DPYD: variants seen among roughly 807,000 people sequenced by gnomAD.
DPYD encodes dihydropyrimidine dehydrogenase [NADP(+)].
Under a neutral mutation model 116.2 loss-of-function variants are expected in DPYD, and 109 were observed. The ratio of observed to expected loss-of-function variants is 0.94; its 90% CI spans 0.80 to 1.10. DPYD has a LOEUF of 1.10. Among genes scored for constraint, DPYD ranks in the 50% least tolerant of loss-of-function variants. The pLI is 0.00. For missense variants in DPYD, 1,302 were observed against 1,254.5 expected (o/e 1.04, Z -0.57); for synonymous variants, 440 against 432.0 (o/e 1.02, Z -0.23).
chr1:97,850,019 A>G lies in DPYD; in HGVS notation c.151-21823T>C, dbSNP rs142783994. Among the ~76,000 whole-genome samples the G allele has an allele frequency of 1.5e-3, 222 of 152,310 alleles. 1 individual carries two copies. The highest frequency in any genetic ancestry group is 5.1e-3 in the African/African-American group (213 of 41,566). On this transcript the variant is annotated intron_variant, in intron 2 of 22. Transcript: ENST00000370192. ...TATAGACCATTATGGCATGCTAATA[A>G]TCCAAATTAGATAAACAAACACAAG...
At chr1:97,751,381 C>CAT (rs201556673) in intron 3 of DPYD, among the ~76,000 whole-genome samples, 2,549 of 119,782 alleles carry the variant, frequency 0.021, 32 homozygotes, top group Middle Eastern at 0.034. Flanking sequence ...CATATATATA[C>CAT]ATATATGTGT....
intron 8 of DPYD, among the ~76,000 whole-genome samples, chr1:97,640,536 T>C (rs1657828127): frequency 6.6e-6 from 1 of 152,164 alleles, no homozygotes; most frequent in South Asian, 2.1e-4. Context: ...CTCAAACTCC[T>C]GACTTGAGGT....
chr1:97,846,031 A>G (rs898580598), intron 2 of DPYD, among the ~76,000 whole-genome samples: 1 of 152,204 alleles, frequency 6.6e-6, no homozygotes, highest in African/African-American at 2.4e-5. Flanking sequence ...CCACTCTGCA[A>G]CTGGCTTGCC....
chr1:97,384,007 G>C (rs1228948120), intron 14 of DPYD, among the ~76,000 whole-genome samples: 3 of 152,136 alleles, frequency 2.0e-5, no homozygotes, highest in Non-Finnish European at 4.4e-5. Flanking sequence ...CACTCAGGAA[G>C]CTGAGATGGG....
intron 15 of DPYD, 50 bp from the exon 16 acceptor site, chr1:97,373,694 A>G: frequency 6.6e-7 from 1 of 1,506,122 alleles, no homozygotes; most frequent in Non-Finnish European, 9.2e-7. Flanking sequence ...TTATTTATAT[A>G]CCAATAGGCT....
intron 16 of DPYD, among the ~76,000 whole-genome samples, chr1:97,329,796 T>C (rs1668896107): frequency 1.4e-5 from 2 of 143,368 alleles, no homozygotes; most frequent in South Asian, 2.4e-4. Context: ...ACCCCATGCA[T>C]GAATGGCACA....
chr1:97,409,865 G>C (rs1286248614), intron 14 of DPYD, among the ~76,000 whole-genome samples: 1 of 152,110 alleles, frequency 6.6e-6, no homozygotes, highest in Non-Finnish European at 1.5e-5. Context: ...ATCACCTGAA[G>C]TCAGGAGTTT....
intron 2 of DPYD, among the ~76,000 whole-genome samples, chr1:97,833,605 A>C (rs1356419003): frequency 6.6e-6 from 1 of 152,142 alleles, no homozygotes; most frequent in Non-Finnish European, 1.5e-5. Context: ...TCATCGTGAA[A>C]TATACTTACC....
intron 18 of DPYD, among the ~76,000 whole-genome samples, chr1:97,303,538 T>C (rs909364758): frequency 3.4e-4 from 51 of 152,066 alleles, no homozygotes; most frequent in Middle Eastern, 3.2e-3. Flanking sequence ...AGGTACTCTG[T>C]TATAGAACTT....
chr1:97,195,904 C>A (rs1156458249), intron 19 of DPYD, among the ~76,000 whole-genome samples: 1 of 151,052 alleles, frequency 6.6e-6, no homozygotes, highest in Admixed American at 6.6e-5. Flanking sequence ...ATGTAACACT[C>A]GGCAATATAC....
intron 3 of DPYD, among the ~76,000 whole-genome samples, chr1:97,778,013 C>A (rs1474140509): frequency 6.6e-6 from 1 of 151,614 alleles, no homozygotes; most frequent in Admixed American, 6.6e-5. Context: ...CAAAAATTAG[C>A]CAGGCATGGT....
intron 8 of DPYD, among the ~76,000 whole-genome samples, chr1:97,595,478 C>T (rs2102260630): frequency 6.6e-6 from 1 of 151,580 alleles, no homozygotes; most frequent in South Asian, 2.1e-4. Context: ...TATATTCTTG[C>T]CTCATATCAT....
chr1:97,810,075 A>T (rs1668272857), intron 3 of DPYD, among the ~76,000 whole-genome samples: 2 of 151,990 alleles, frequency 1.3e-5, no homozygotes, highest in African/African-American at 4.8e-5. Flanking sequence ...TCACGAGGTC[A>T]GGAGATCAAG....
At chr1:97,357,375 T>A (rs1670478560) in intron 16 of DPYD, among the ~76,000 whole-genome samples, 1 of 152,116 alleles carries the variant, frequency 6.6e-6, no homozygotes, top group South Asian at 2.1e-4. Context: ...AGTGTTTTTT[T>A]TTTTTGGTGG....
At chr1:97,782,222 T>C (rs1369701938) in intron 3 of DPYD, among the ~76,000 whole-genome samples, 1 of 152,214 alleles carries the variant, frequency 6.6e-6, no homozygotes, top group Non-Finnish European at 1.5e-5. Context: ...GGAGGATGCT[T>C]TGTCCATACT....
intron 8 of DPYD, among the ~76,000 whole-genome samples, chr1:97,630,057 T>C (rs1167510540): frequency 6.6e-6 from 1 of 152,010 alleles, no homozygotes; most frequent in African/African-American, 2.4e-5. Context: ...TCCTTTTTAA[T>C]GCTAACTAGT....
At chr1:97,723,132 T>TA (rs1403084395) in intron 4 of DPYD, among the ~76,000 whole-genome samples, 11 of 151,764 alleles carry the variant, frequency 7.2e-5, no homozygotes, top group Non-Finnish European at 1.3e-4. Flanking sequence ...TAAAAGCTAA[T>TA]GCACGGCTTT....
At position 97,786,429 on chromosome 1, in the gene DPYD, CAA is replaced by C. The variant is rs552267571; in HGVS notation, c.233+41683_233+41684del. Reference sequence around the variant, plus strand: ...CTTACAAATGATTTTTTTTAAAGCACAAAGATAAAATGTGCTTAGTCCACTCT... The same window carrying C: ...CTTACAAATGATTTTTTTTAAAGCACAGATAAAATGTGCTTAGTCCACTCT... On this transcript the variant is annotated intron_variant, in intron 3 of 22. Transcript: ENST00000370192. Among the ~76,000 whole-genome samples the C allele has an allele frequency of 2.7e-3, 416 of 152,162 alleles. 2 individuals carry two copies. The highest frequency in any genetic ancestry group is 8.9e-3 in the African/African-American group (370 of 41,518).
intron 3 of DPYD, among the ~76,000 whole-genome samples, chr1:97,743,848 C>T (rs1664397585): frequency 6.6e-6 from 1 of 151,966 alleles, no homozygotes; most frequent in Admixed American, 6.6e-5. Flanking sequence ...TTCAAAGTTA[C>T]TCTGTTATAG....
Sources: gnomAD v4.1 joint callset for allele counts (sites outside exome capture counted in the v4.1 genomes callset) on GRCh38, gnomAD v4.1.1 for gene constraint, MANE v1.5 for transcripts, NCBI Gene and HGNC (gene_info 2026-07-23, HGNC 2026-07-21) for gene names.